The following MYO10 variants were observed in gnomAD, a reference collection of about 807,000 sequenced individuals.
MYO10 encodes unconventional myosin-X.
A neutral mutation model predicts 257.3 loss-of-function variants in MYO10; 133 were observed. The ratio of observed to expected loss-of-function variants is 0.52; its 90% CI spans 0.45 to 0.60. The LOEUF (loss-of-function observed/expected upper bound fraction) is 0.60, where lower values mean the gene tolerates loss of function less well. Ranked by LOEUF, MYO10 falls within the 20% of genes least tolerant of loss-of-function variation. The probability of loss-of-function intolerance (pLI) is 0.00; values close to 1 mark genes in which losing one functional copy is unlikely to be tolerated. For missense variants in MYO10, 2,399 were observed against 2,635.7 expected (o/e 0.91, Z 1.97); for synonymous variants, 1,104 against 1,028.6 (o/e 1.07, Z -1.40).
chr5:16,861,241 T>G (rs1744099366), intron 2 of MYO10, among the ~76,000 whole-genome samples: 1 of 149,614 alleles, frequency 6.7e-6, no homozygotes. Context: ...GGCCCTTCCA[T>G]TTCCCTACAG....
In MYO10 at chr5:16,679,969, T is replaced by C; in HGVS notation, c.4520A>G (p.Gln1507Arg). 6.2e-7 allele frequency: 1 copy of C among 1,613,864 alleles called. No homozygotes were observed. Among genetic ancestry groups the C allele is most frequent in the Non-Finnish European group, 8.5e-7 (1 of 1,179,842 alleles). The change falls in exon 33 of 41, where the codon CAG (glutamine) becomes CGG (arginine). Residue 1507 changes from glutamine (Q) to arginine (R), a missense_variant. Around this residue, in one of 3 missense-constraint regions of MYO10, gnomAD observed 1,820 missense variants for 1,939.4 expected, o/e 0.94. Coordinates refer to ENST00000513610, the MANE Select transcript of MYO10 (RefSeq NM_012334.3). The part of the protein sequence containing the change: ...DTKAPIDTPT[Q>R]QLIQDIKENC... ...TACCTTGATATCTTGAATCAGCTGC[T>C]GGGTGGGGGTGTCGATCGGGGCCTT...
At chr5:16,842,009 G>T (rs900004850) in intron 2 of MYO10, among the ~76,000 whole-genome samples, 2 of 151,534 alleles carry the variant, frequency 1.3e-5, no homozygotes, top group South Asian at 2.1e-4. Context: ...ACTTTGGGGT[G>T]GGGGGGCTTG....
intron 19 of MYO10, among the ~76,000 whole-genome samples, chr5:16,732,367 C>A (rs1185704290): frequency 6.6e-6 from 1 of 152,138 alleles, no homozygotes; most frequent in Non-Finnish European, 1.5e-5. Flanking sequence ...CACAGGGTAG[C>A]CTCCCCCTTG....
intron 2 of MYO10, among the ~76,000 whole-genome samples, chr5:16,868,281 G>A (rs1744343127): frequency 6.6e-6 from 1 of 152,144 alleles, no homozygotes; most frequent in African/African-American, 2.4e-5. Flanking sequence ...TACATGAGTT[G>A]ATCACCTGCA....
At chr5:16,863,450 G>A (rs1172102723) in intron 2 of MYO10, among the ~76,000 whole-genome samples, 1 of 152,158 alleles carries the variant, frequency 6.6e-6, no homozygotes, top group Non-Finnish European at 1.5e-5. Flanking sequence ...GTGGTGCTGG[G>A]AACAAGGTGG....
chr5:16,749,448 C>T (rs1417938464), intron 19 of MYO10, among the ~76,000 whole-genome samples: 1 of 149,690 alleles, frequency 6.7e-6, no homozygotes, highest in African/African-American at 2.5e-5. Context: ...GATTGCGCCA[C>T]TGCACTCCAG....
At chr5:16,833,487 T>C (rs1292726595) in intron 2 of MYO10, among the ~76,000 whole-genome samples, 3 of 152,124 alleles carry the variant, frequency 2.0e-5, no homozygotes, top group Admixed American at 6.6e-5. Flanking sequence ...GCTGGGATTA[T>C]AGGTGTGAGC....
chr5:16,852,223 G>GA (rs1346038714), intron 2 of MYO10, among the ~76,000 whole-genome samples: 2 of 133,806 alleles, frequency 1.5e-5, no homozygotes, highest in Non-Finnish European at 3.1e-5. Flanking sequence ...ATATACAATT[G>GA]AGAGTACAGG....
intron 19 of MYO10, among the ~76,000 whole-genome samples, chr5:16,733,855 C>A (rs562710339): frequency 8.5e-5 from 13 of 152,220 alleles, no homozygotes; most frequent in African/African-American, 3.1e-4. Flanking sequence ...CACGAGTTGA[C>A]GGCTCGGCAT....
At chr5:16,668,161 T>G in intron 40 of MYO10, 116 bp downstream of exon 40, 2 of 1,187,002 alleles carry the variant, frequency 1.7e-6, no homozygotes, top group Non-Finnish European at 2.3e-6. Flanking sequence ...TATTTTCGTG[T>G]TTTGAAGAAA....
intron 2 of MYO10, among the ~76,000 whole-genome samples, chr5:16,819,933 C>T (rs1395324675): frequency 3.9e-5 from 6 of 152,326 alleles, no homozygotes; most frequent in African/African-American, 1.4e-4. Context: ...TAGGGACCCA[C>T]CCGTCTCTTA....
intron 1 of MYO10, among the ~76,000 whole-genome samples, chr5:16,908,343 T>C (rs984554488): frequency 2.6e-5 from 4 of 151,678 alleles, no homozygotes; most frequent in African/African-American, 7.3e-5. Context: ...GCCTGGCCAA[T>C]ATGGTGAAAC....
intron 34 of MYO10, among the ~76,000 whole-genome samples, chr5:16,675,559 G>A (rs187974065): frequency 5.2e-4 from 79 of 152,126 alleles, no homozygotes; most frequent in African/African-American, 1.8e-3. Flanking sequence ...GCAATATGGC[G>A]AAACCCTGTC....
rs77321852 is a variant in MYO10, at chr5:16,883,520, T to A, written c.22-5813A>T. ...ACCATGGTGTCATTGTGGACAATTA[T>A]CCCCTTCCCTGGAAGAAAATCATAA... On this transcript the variant is annotated intron_variant, in intron 1 of 40. Transcript: ENST00000513610. Among the ~76,000 whole-genome samples, 221 of 152,288 alleles carry A rather than the reference T, an allele frequency of 1.5e-3. 1 individual carries two copies. The highest frequency in any genetic ancestry group is 5.1e-3 in the African/African-American group (210 of 41,560).
chr5:16,798,919 G>A (rs1742042468), intron 3 of MYO10, among the ~76,000 whole-genome samples: 2 of 151,930 alleles, frequency 1.3e-5, no homozygotes, highest in African/African-American at 4.8e-5. Context: ...ACAGTCATGG[G>A]CATTAAGCTT....
At chr5:16,898,708 C>G (rs1410329059) in intron 1 of MYO10, among the ~76,000 whole-genome samples, 1 of 151,658 alleles carries the variant, frequency 6.6e-6, no homozygotes, top group Non-Finnish European at 1.5e-5. Context: ...CATGCCTGGC[C>G]CCATTGTCAA....
chr5:16,888,981 T>C (rs1241947896), intron 1 of MYO10, among the ~76,000 whole-genome samples: 1 of 151,980 alleles, frequency 6.6e-6, no homozygotes, highest in Non-Finnish European at 1.5e-5. Context: ...GAGACTAGCC[T>C]GGGCAATATG....
At chr5:16,765,955 T>C (rs1299133737) in intron 11 of MYO10, 125 bp downstream of exon 11, 5 of 683,778 alleles carry the variant, frequency 7.3e-6, no homozygotes, top group African/African-American at 3.6e-5. Context: ...GAACCAGTCA[T>C]TTGAACAGTT....
chr5:16,670,594 C>A lies in MYO10; in HGVS notation c.5815G>T (p.Ala1939Ser). ...ATCAAGGCCATGTACTTGGCCATGG[C>A]CTGTTCCTGGTTCATTCCCTGAAAT... ...RKFQGMNQEQ[A>S]MAKYMALIKE... Residue 1939 changes from alanine to serine, a missense_variant, in exon 39 of 41, where the codon GCC becomes TCC. Physicochemically the swap from Ala to Ser is moderately conservative, Grantham distance 99. Around this residue, in one of 3 missense-constraint regions of MYO10, gnomAD observed 1,820 missense variants for 1,939.4 expected, o/e 0.94. Coordinates refer to ENST00000513610, the MANE Select transcript of MYO10 (RefSeq NM_012334.3). 1 of 1,613,990 alleles carries A rather than the reference C, an allele frequency of 6.2e-7. No homozygotes were observed. The highest frequency in any genetic ancestry group is 8.5e-7 in the Non-Finnish European group (1 of 1,179,878).
Sources: gnomAD v4.1 joint callset for allele counts (sites outside exome capture counted in the v4.1 genomes callset) on GRCh38, gnomAD v4.1.1 for gene constraint, gnomAD v4.1.1 regional missense constraint, MANE v1.5 for transcripts, NCBI Gene and HGNC (gene_info 2026-07-23, HGNC 2026-07-21) for gene names.